The following ACSL6 variants were observed in gnomAD, a reference collection of about 807,000 sequenced individuals.
The protein encoded by ACSL6 is acyl-CoA synthetase long chain family member 6.
A neutral mutation model predicts 98.2 loss-of-function variants in ACSL6; 47 were observed. The observed-to-expected ratio is 0.48, with a 90% CI of 0.38 to 0.61. ACSL6 has a LOEUF of 0.61. ACSL6 is among the 20% of genes least tolerant of loss of function. The pLI is 0.00. For missense variants in ACSL6, 761 were observed against 913.4 expected (o/e 0.83, Z 2.15); for synonymous variants, 362 against 336.9 (o/e 1.07, Z -0.82).
chr5:131,981,298 T>C lies in ACSL6; in HGVS notation c.916+4109A>G, dbSNP rs545935156. On this transcript the variant is annotated intron_variant, in intron 9 of 20. Coordinates refer to ENST00000651883, the MANE Select transcript of ACSL6 (RefSeq NM_001009185.3). ...TCCACCAGCTGCTAATCTTGCTCCC[T>C]GCCATACCTTCATAGTCAACTATTA... 1.2e-4 allele frequency among the ~76,000 whole-genome samples: 18 copies of C among 145,772 alleles called. No individual in the cohort carries two copies. In the South Asian group the frequency reaches 3.9e-3, roughly 32 times the overall value.
Position 131,951,124 on chromosome 5 carries a change from T to C in ACSL6, c.*3110A>G. ...TACACAAAAGGATCTGTTTGCAAAATATGAGAATTACTAATACATTTGAAT... is the reference window on the plus strand; with the variant it reads ...TACACAAAAGGATCTGTTTGCAAAACATGAGAATTACTAATACATTTGAAT... On this transcript the variant is annotated 3_prime_UTR_variant, in exon 21 of 21. Coordinates refer to ENST00000651883, the MANE Select transcript of ACSL6 (RefSeq NM_001009185.3). The C allele has an allele frequency of 5.0e-6, 1 of 201,394 alleles. No homozygotes were observed. The highest frequency in any genetic ancestry group is 1.0e-5 in the Non-Finnish European group (1 of 97,870). 12.5% of individuals were successfully genotyped at this position (201,394 alleles called of 1,614,324 possible).
intron 20 of ACSL6, among the ~76,000 whole-genome samples, chr5:131,957,030 G>A (rs534835783): frequency 6.6e-6 from 1 of 152,188 alleles, no homozygotes; most frequent in South Asian, 2.1e-4. Context: ...CCTCAAAATT[G>A]TCCATTTATG....
chr5:131,953,286 A>C lies in ACSL6; in HGVS notation c.*948T>G, dbSNP rs1580614199. The stretch of plus-strand genomic sequence containing the variant: ...AGAAAATGTATTGAAAGGTCTTTGT[A>C]AGTTACTATATAAATATGACATGTG... On this transcript the variant is annotated 3_prime_UTR_variant, in exon 21 of 21. Transcript: ENST00000651883. 1 of 187,754 alleles carries C rather than the reference A, an allele frequency of 5.3e-6. No homozygotes were observed. Among genetic ancestry groups the C allele is most frequent in the Non-Finnish European group, 1.1e-5 (1 of 88,950 alleles). The allele number at this position is 187,754 out of a possible 1,614,324, so 11.6% of individuals were successfully genotyped here.
intron 18 of ACSL6, among the ~76,000 whole-genome samples, chr5:131,962,106 G>A (rs1410226368): frequency 6.6e-6 from 1 of 151,990 alleles, no homozygotes; most frequent in Admixed American, 6.6e-5. Flanking sequence ...GATGAGGTGG[G>A]AAGATGGCTA....
intron 1 of ACSL6, among the ~76,000 whole-genome samples, chr5:132,003,348 A>G (rs527729181): frequency 3.1e-4 from 47 of 152,198 alleles, no homozygotes; most frequent in Non-Finnish European, 5.9e-4. Flanking sequence ...CAAGCGGTCA[A>G]GTTCTGCTGT....
chr5:131,959,383 CTTG>C (rs1752581618), intron 20 of ACSL6, among the ~76,000 whole-genome samples, 150 bp downstream of exon 20: 1 of 152,184 alleles, frequency 6.6e-6, no homozygotes, highest in Non-Finnish European at 1.5e-5. Context: ...CAGGAGGCAG[CTTG>C]GAACAGGCCT....
chr5:131,992,452 G>A (rs974564171), intron 2 of ACSL6, among the ~76,000 whole-genome samples: 7 of 152,136 alleles, frequency 4.6e-5, no homozygotes, highest in African/African-American at 1.2e-4. Context: ...TGCCTACTCC[G>A]GTGCAGCCAC....
chr5:131,999,389 A>C (rs1337684728), intron 1 of ACSL6: 1 of 152,284 alleles, frequency 6.6e-6, no homozygotes, highest in Non-Finnish European at 1.5e-5. Flanking sequence ...GACAACTTGC[A>C]CAAGTAGATG....
chr5:131,973,394 C>T lies in ACSL6; in HGVS notation c.1075G>A (p.Val359Ile), dbSNP rs755413552. The change falls in exon 12 of 21, where the codon GTC (valine) becomes ATC (isoleucine). Residue 359 changes from valine (V) to isoleucine (I), a missense_variant. Physicochemically the swap from Val to Ile is conservative, Grantham distance 29. Coordinates refer to ENST00000651883, the MANE Select transcript of ACSL6 (RefSeq NM_001009185.3). Reference sequence around the variant, plus strand: ...CCAACACGCCCTCCGTGGCAATAGACGACAGACTAGAAAGACAGGACAGGA... The same window carrying T: ...CCAACACGCCCTCCGTGGCAATAGATGACAGACTAGAAAGACAGGACAGGA... Reference protein sequence around the residue: ...HMFERVIQSVVYCHGGRVGFF... With the variant: ...HMFERVIQSVIYCHGGRVGFF... 3.2e-5 allele frequency: 51 copies of T among 1,613,872 alleles called. No individual in the cohort carries two copies. The highest frequency in any genetic ancestry group is 6.7e-5 in the East Asian group (3 of 44,892).
intron 2 of ACSL6, among the ~76,000 whole-genome samples, chr5:131,991,532 A>G (rs1482756780): frequency 6.6e-6 from 1 of 152,198 alleles, no homozygotes; most frequent in African/African-American, 2.4e-5. Flanking sequence ...GGGAGGGAGG[A>G]CAGGCTGAAT....
intron 7 of ACSL6, 66 bp downstream of exon 7, chr5:131,987,982 C>T (rs1754286720): frequency 1.3e-6 from 2 of 1,580,306 alleles, no homozygotes; most frequent in South Asian, 1.2e-5. Context: ...GGACAGATAA[C>T]CAGAAGTTCT....
intron 9 of ACSL6, 89 bp from the exon 10 acceptor site, chr5:131,976,810 C>A: frequency 2.8e-6 from 3 of 1,056,930 alleles, no homozygotes; most frequent in South Asian, 2.6e-5. Flanking sequence ...CCCAGACACC[C>A]ATGCTGTCTA....
chr5:131,954,162 A>T lies in ACSL6; in HGVS notation c.*72T>A, dbSNP rs1032626610. The T allele has an allele frequency of 6.9e-7, 1 of 1,441,820 alleles. No homozygotes were observed. The highest frequency in any genetic ancestry group is 1.4e-5 in the African/African-American group (1 of 69,218). The allele number at this position is 1,441,820 out of a possible 1,614,324, so 89.3% of individuals were successfully genotyped here. On this transcript the variant is annotated 3_prime_UTR_variant, in exon 21 of 21. Coordinates refer to ENST00000651883, the MANE Select transcript of ACSL6 (RefSeq NM_001009185.3). ...ATTCATTTTCAGCTGTGTCATTTTG[A>T]CTCATTACTTTCAAGAATAACTATA...
At chr5:131,983,158 G>A (rs1753992932) in intron 9 of ACSL6, 1 of 152,134 alleles carries the variant, frequency 6.6e-6, no homozygotes, top group Admixed American at 6.5e-5. Context: ...TCCCAAACTG[G>A]GCTATGTTAC....
intron 20 of ACSL6, among the ~76,000 whole-genome samples, chr5:131,957,671 A>T (rs1434389910): frequency 6.6e-6 from 1 of 152,232 alleles, no homozygotes. Flanking sequence ...TGTGTGTTTA[A>T]TTAGAGTTAT....
At chr5:132,006,015 G>A (rs968504575) in intron 1 of ACSL6, among the ~76,000 whole-genome samples, 2 of 152,176 alleles carry the variant, frequency 1.3e-5, no homozygotes, top group African/African-American at 4.8e-5. Flanking sequence ...TCCCTCACTG[G>A]CCTGGCTTCC....
chr5:131,962,930 C>T (rs1015465279), intron 17 of ACSL6, among the ~76,000 whole-genome samples: 2 of 152,108 alleles, frequency 1.3e-5, no homozygotes, highest in Non-Finnish European at 2.9e-5. Flanking sequence ...GTTAGCCCCC[C>T]ACACAGTCCT....
At chr5:131,967,073 G>T (rs537325737) in intron 16 of ACSL6, among the ~76,000 whole-genome samples, 1 of 152,308 alleles carries the variant, frequency 6.6e-6, no homozygotes, top group African/African-American at 2.4e-5. Flanking sequence ...GGCTGGGCAT[G>T]ATGGCTAGCA....
chr5:131,971,000 G>A (rs184568662), intron 14 of ACSL6, among the ~76,000 whole-genome samples: 7 of 152,198 alleles, frequency 4.6e-5, no homozygotes, highest in Admixed American at 2.0e-4. Context: ...ATTTAAGCAC[G>A]CACAATTATG....
Sources: allele counts gnomAD v4.1 joint callset (sites outside exome capture counted in the v4.1 genomes callset), GRCh38; gene constraint gnomAD v4.1.1; transcripts MANE v1.5; gene names NCBI Gene and HGNC (gene_info 2026-07-23, HGNC 2026-07-21).